DAP: variants seen among roughly 807,000 people sequenced by gnomAD.
The protein encoded by DAP is death-associated protein 1.
A neutral mutation model predicts 13.8 loss-of-function variants in DAP; 8 were observed. That is an observed-to-expected ratio of 0.58 (90% CI 0.34 to 1.05). The LOEUF (loss-of-function observed/expected upper bound fraction) is 1.05, where lower values mean the gene tolerates loss of function less well. Ranked by LOEUF, DAP falls within the 50% of genes least tolerant of loss-of-function variation. The pLI is 0.03. For missense variants in DAP, 106 were observed against 133.2 expected (o/e 0.80, Z 1.01); for synonymous variants, 47 against 47.5 (o/e 0.99, Z 0.04).
At chr5:10,701,169 G>GA (rs1490711501) in intron 2 of DAP, among the ~76,000 whole-genome samples, 1 of 152,166 alleles carries the variant, frequency 6.6e-6, no homozygotes, top group African/African-American at 2.4e-5. Context: ...ATTTCCCAAG[G>GA]AAACAAAAAA....
chr5:10,741,045 T>C (rs1052721284), intron 2 of DAP, among the ~76,000 whole-genome samples: 2 of 152,230 alleles, frequency 1.3e-5, no homozygotes, highest in African/African-American at 2.4e-5. Flanking sequence ...AGTGATGTCA[T>C]GTTGTTAGTT....
chr5:10,721,466 G>A (rs1391892435), intron 2 of DAP, among the ~76,000 whole-genome samples: 1 of 152,194 alleles, frequency 6.6e-6, no homozygotes, highest in Non-Finnish European at 1.5e-5. Flanking sequence ...GAGTTACAGT[G>A]TTGGCTGGGG....
intron 2 of DAP, among the ~76,000 whole-genome samples, chr5:10,713,155 C>G (rs969667180): frequency 2.6e-5 from 4 of 152,128 alleles, no homozygotes; most frequent in Non-Finnish European, 4.4e-5. Context: ...CCTTCCCAAG[C>G]CAAAGGCTCC....
At chr5:10,760,188 A>G (rs1015686106) in intron 1 of DAP, among the ~76,000 whole-genome samples, 1 of 152,246 alleles carries the variant, frequency 6.6e-6, no homozygotes, top group African/African-American at 2.4e-5. Context: ...AACCTCACGC[A>G]TCCATACATT....
At chr5:10,713,443 G>A (rs960427790) in intron 2 of DAP, among the ~76,000 whole-genome samples, 6 of 152,172 alleles carry the variant, frequency 3.9e-5, no homozygotes, top group Admixed American at 1.3e-4. Context: ...GAATGAGGGA[G>A]GCAGAAGAGT....
intron 1 of DAP, among the ~76,000 whole-genome samples, chr5:10,757,011 G>A (rs1168888310): frequency 6.6e-6 from 1 of 152,222 alleles, no homozygotes; most frequent in Non-Finnish European, 1.5e-5. Context: ...GACTGCAGAC[G>A]ACAGCACATT....
rs145337944 is a variant in DAP, at chr5:10,753,717, C to T, written c.56-5446G>A. On this transcript the variant is annotated intron_variant, in intron 1 of 3. Transcript: ENST00000230895. ...TGGAAGAGTTCCATGAACCAGGGAG[C>T]AATTTCCAGCAGGGAGCTAGGAAGG... Among the ~76,000 whole-genome samples, 437 of 152,336 alleles carry T rather than the reference C, an allele frequency of 2.9e-3. 4 individuals are homozygous for T. The highest frequency in any genetic ancestry group is 6.8e-3 in the Middle Eastern group (2 of 294).
Position 10,707,295 on chromosome 5 carries a change from T to C in DAP, c.153-23724A>G, listed in dbSNP as rs939099156. Among the ~76,000 whole-genome samples the C allele has an allele frequency of 6.6e-6, 1 of 152,192 alleles. No homozygotes were observed. Among genetic ancestry groups the C allele is most frequent in the East Asian group, 1.9e-4 (1 of 5,196 alleles). ...GTAGCTTAGTCAGCTGAGCAAGTGT[T>C]GAGAGGCAGACATGTGGGTGGGTTC... On this transcript the variant is annotated intron_variant, in intron 2 of 3. Coordinates refer to ENST00000230895, the MANE Select transcript of DAP (RefSeq NM_004394.3). The surrounding 1 kb of genome is among the most constrained non-coding windows in gnomAD (Gnocchi z 4.0).
chr5:10,716,109 G>A (rs1738979973), intron 2 of DAP, among the ~76,000 whole-genome samples: 1 of 152,172 alleles, frequency 6.6e-6, no homozygotes, highest in African/African-American at 2.4e-5. Flanking sequence ...GTGTCCTAGG[G>A]TTGCCTGCCA....
intron 2 of DAP, among the ~76,000 whole-genome samples, chr5:10,741,211 A>C (rs1327852569): frequency 6.6e-6 from 1 of 152,042 alleles, no homozygotes; most frequent in Non-Finnish European, 1.5e-5. Context: ...AAATTTGCTG[A>C]GCGTGGTGGT....
chr5:10,737,747 T>C (rs1739652828), intron 2 of DAP, among the ~76,000 whole-genome samples: 1 of 152,244 alleles, frequency 6.6e-6, no homozygotes, highest in Non-Finnish European at 1.5e-5. Flanking sequence ...ATTTGGCATC[T>C]GCTACGGGTT....
At chr5:10,752,744 CTG>C (rs1242830300) in intron 1 of DAP, among the ~76,000 whole-genome samples, 2 of 152,164 alleles carry the variant, frequency 1.3e-5, no homozygotes, top group African/African-American at 4.8e-5. Flanking sequence ...CTGAAGCTCT[CTG>C]TGCCTCAGGG....
chr5:10,681,961 G>A (rs1340539073), intron 3 of DAP, among the ~76,000 whole-genome samples: 2 of 151,470 alleles, frequency 1.3e-5, no homozygotes, highest in Non-Finnish European at 2.9e-5. Flanking sequence ...GAGCCCACCA[G>A]CGTCGCTGTA....
At position 10,752,798 on chromosome 5, in the gene DAP, C is replaced by A. The variant is rs539081730; in HGVS notation, c.56-4527G>T. 1.1e-4 allele frequency among the ~76,000 whole-genome samples: 17 copies of A among 152,334 alleles called. No homozygotes were observed. The East Asian group carries it at 2.7e-3, about 24-fold the overall frequency. On this transcript the variant is annotated intron_variant, in intron 1 of 3. Coordinates refer to ENST00000230895, the MANE Select transcript of DAP (RefSeq NM_004394.3). ...AAAGAGTGAAAATGTTCCCCTCTCC[C>A]AGGGCCAGCTGAGGATTACATGAGT...
At chr5:10,741,271 T>G (rs1739747996) in intron 2 of DAP, among the ~76,000 whole-genome samples, 2 of 152,188 alleles carry the variant, frequency 1.3e-5, no homozygotes, top group Admixed American at 1.3e-4. Context: ...GAGGACTGCT[T>G]GAGCCCAGGA....
intron 2 of DAP, among the ~76,000 whole-genome samples, chr5:10,687,913 T>TC (rs1242126160): frequency 6.9e-6 from 1 of 145,400 alleles, no homozygotes; most frequent in East Asian, 1.9e-4. Flanking sequence ...GTCTTTTTTT[T>TC]TTTTTTTTTT....
At chr5:10,683,982 C>A (rs1738096976) in intron 2 of DAP, among the ~76,000 whole-genome samples, 1 of 152,106 alleles carries the variant, frequency 6.6e-6, no homozygotes, top group Admixed American at 6.5e-5. Flanking sequence ...CAGCATCATA[C>A]CTGGCTATTT....
chr5:10,728,160 T>A (rs1322354889), intron 2 of DAP, among the ~76,000 whole-genome samples: 1 of 152,248 alleles, frequency 6.6e-6, no homozygotes, highest in Non-Finnish European at 1.5e-5. Flanking sequence ...TACTTTTTTT[T>A]CCTGGATATC....
chr5:10,734,109 G>A (rs890011846), intron 2 of DAP: 3 of 152,184 alleles, frequency 2.0e-5, no homozygotes, highest in African/African-American at 7.2e-5. Context: ...AAAAACAAAG[G>A]AGCCTCCGTT....
Sources: allele counts gnomAD v4.1 joint callset (sites outside exome capture counted in the v4.1 genomes callset), GRCh38; gene constraint gnomAD v4.1.1; non-coding constraint Gnocchi (gnomAD v3.1); transcripts MANE v1.5; gene names NCBI Gene and HGNC (gene_info 2026-07-23, HGNC 2026-07-21).